Variants in TRMT9B observed in about 807,000 individuals in gnomAD.
The protein encoded by TRMT9B is tRNA methyltransferase 9B (putative).
A neutral mutation model predicts 11.5 loss-of-function variants in TRMT9B; 16 were observed. The observed-to-expected ratio is 1.39, with a 90% CI of 0.94 to 2.11. The LOEUF is 2.11. Among genes scored for constraint, TRMT9B ranks in the 30% most tolerant of loss-of-function variants. TRMT9B has a pLI of 0.00. For synonymous variants in TRMT9B, 274 were observed against 192.4 expected (o/e 1.42, Z -3.51); for missense variants, 941 against 553.8 (o/e 1.70, Z -7.02).
intron 2 of TRMT9B, among the ~76,000 whole-genome samples, chr8:12,996,757 G>T (rs796466108): frequency 2.0e-5 from 3 of 152,128 alleles, no homozygotes; most frequent in African/African-American, 7.2e-5. Flanking sequence ...ACAAATAAAT[G>T]AATGAATTTT....
intron 1 of TRMT9B, among the ~76,000 whole-genome samples, chr8:12,968,714 C>T (rs371998427): frequency 6.6e-6 from 1 of 152,090 alleles, no homozygotes; most frequent in African/African-American, 2.4e-5. Flanking sequence ...CTCCCTGAGT[C>T]GCGAGAGTGC....
rs1814530000 is a variant in TRMT9B, at chr8:13,025,100, C to T, written c.*3056C>T. 6.0e-6 allele frequency: 1 copy of T among 166,950 alleles called. No homozygotes were observed. Among genetic ancestry groups the T allele is most frequent in the African/African-American group, 2.4e-5 (1 of 41,398 alleles). 10.3% of individuals were successfully genotyped at this position (166,950 alleles called of 1,614,324 possible). On this transcript the variant is annotated 3_prime_UTR_variant, in exon 5 of 5. Transcript: ENST00000524591. Reference sequence around the variant, plus strand: ...GCTGGAGTAATCTGATCACTTACTTCCTTATTAATACTAGATCACACAGTG... The same window carrying T: ...GCTGGAGTAATCTGATCACTTACTTTCTTATTAATACTAGATCACACAGTG...
chr8:12,997,477 C>T (rs1288323747), intron 2 of TRMT9B, among the ~76,000 whole-genome samples: 1 of 152,140 alleles, frequency 6.6e-6, no homozygotes, highest in Non-Finnish European at 1.5e-5. Flanking sequence ...AAACAAACTG[C>T]TTGTCCTTAT....
intron 3 of TRMT9B, chr8:13,007,377 T>C (rs1237563751): frequency 6.6e-6 from 1 of 152,226 alleles, no homozygotes; most frequent in Non-Finnish European, 1.5e-5. Context: ...GACTAAGACT[T>C]AAAATGTGGT....
intron 4 of TRMT9B, among the ~76,000 whole-genome samples, chr8:13,016,811 A>G (rs1243612636): frequency 6.7e-6 from 1 of 149,770 alleles, no homozygotes; most frequent in Non-Finnish European, 1.5e-5. Flanking sequence ...AATTGTCACA[A>G]CTGGATATGT....
intron 2 of TRMT9B, among the ~76,000 whole-genome samples, chr8:13,001,255 A>G (rs934263234): frequency 2.0e-5 from 3 of 152,142 alleles, no homozygotes; most frequent in African/African-American, 7.2e-5. Context: ...AATTCTCAAG[A>G]CTGGGTCAGT....
chr8:13,027,490 T>C lies in TRMT9B; in HGVS notation c.*5446T>C, dbSNP rs1273617647. ...AAAATAATATGTCTTACAGAATAAA[T>C]GCAGACTCCTTTGGATGGCATTCAG... On this transcript the variant is annotated 3_prime_UTR_variant, in exon 5 of 5. Coordinates refer to ENST00000524591, the MANE Select transcript of TRMT9B (RefSeq NM_020844.3). The C allele has an allele frequency of 6.0e-6, 1 of 167,082 alleles. No homozygotes were observed. The highest frequency in any genetic ancestry group is 1.9e-4 in the East Asian group (1 of 5,206). The allele number at this position is 167,082 out of a possible 1,614,324, so 10.3% of individuals were successfully genotyped here.
In TRMT9B at chr8:12,964,137, C is replaced by T. The variant is rs376210024; in HGVS notation, c.-200+18171C>T. ...GAATATTGGCTTTTCTAAGGAAACT[C>T]AAAAAGACTCGTGTCATTATTGTGA... On this transcript the variant is annotated intron_variant, in intron 1 of 4. Coordinates refer to ENST00000524591, the MANE Select transcript of TRMT9B (RefSeq NM_020844.3). 1.6e-4 allele frequency among the ~76,000 whole-genome samples: 25 copies of T among 152,256 alleles called. No homozygotes were observed. The East Asian group carries it at 3.7e-3, about 22-fold the overall frequency.
intron 3 of TRMT9B, chr8:13,006,744 C>G: frequency 1.1e-6 from 1 of 906,328 alleles, no homozygotes; most frequent in Non-Finnish European, 1.4e-6. Context: ...TCTCAGCTTG[C>G]TGCAAACTCC....
At chr8:12,954,748 A>G (rs1288763291) in intron 1 of TRMT9B, among the ~76,000 whole-genome samples, 2 of 152,258 alleles carry the variant, frequency 1.3e-5, no homozygotes, top group African/African-American at 4.8e-5. Context: ...GCCATAAAGA[A>G]AGTACCTTGC....
chr8:12,952,593 G>A, intron 1 of TRMT9B: 3 of 656,558 alleles, frequency 4.6e-6, no homozygotes, highest in Non-Finnish European at 5.7e-6. Flanking sequence ...TCTTTCCCTG[G>A]GGAACTGATT....
chr8:12,957,391 A>G (rs1801453991), intron 1 of TRMT9B, among the ~76,000 whole-genome samples: 2 of 152,194 alleles, frequency 1.3e-5, no homozygotes, highest in Admixed American at 1.3e-4. Context: ...ATCAGTGTTC[A>G]TGAAGTAATC....
rs915563945 is a variant in TRMT9B at position 13,024,412 on chromosome 8, G to A, written c.*2368G>A. On this transcript the variant is annotated 3_prime_UTR_variant, in exon 5 of 5. Coordinates refer to ENST00000524591, the MANE Select transcript of TRMT9B (RefSeq NM_020844.3). Reference sequence around the variant, plus strand: ...AGGGATTTCCTTGGTAAAAAGAAAAGATTCTCAGAGTCAAAATGGTCTTAC... The same window carrying A: ...AGGGATTTCCTTGGTAAAAAGAAAAAATTCTCAGAGTCAAAATGGTCTTAC... The A allele has an allele frequency of 1.2e-5, 2 of 167,096 alleles. No individual in the cohort carries two copies. Among genetic ancestry groups the A allele is most frequent in the Non-Finnish European group, 2.9e-5 (2 of 68,144 alleles). The allele number at this position is 167,096 out of a possible 1,614,324, so 10.4% of individuals were successfully genotyped here.
At chr8:13,020,758 A>C (rs991780107) in intron 4 of TRMT9B, among the ~76,000 whole-genome samples, 1 of 152,208 alleles carries the variant, frequency 6.6e-6, no homozygotes, top group Non-Finnish European at 1.5e-5. Flanking sequence ...GAAACTTAAA[A>C]TCTGTAGAAC....
chr8:12,959,242 C>G (rs1027213207), intron 1 of TRMT9B, among the ~76,000 whole-genome samples: 1 of 152,056 alleles, frequency 6.6e-6, no homozygotes, highest in South Asian at 2.1e-4. Flanking sequence ...CTCCAGTATC[C>G]AAAAATTTTT....
rs1427483134 is a variant in TRMT9B, at chr8:13,024,812, A to G, written c.*2768A>G. ...ATAAGAATCTATGCATCCAGATATT[A>G]TTTTGTATACAAATATTTAATTTGG... On this transcript the variant is annotated 3_prime_UTR_variant, in exon 5 of 5. Coordinates refer to ENST00000524591, the MANE Select transcript of TRMT9B (RefSeq NM_020844.3). The G allele has an allele frequency of 6.0e-6, 1 of 166,966 alleles. No homozygotes were observed. The highest frequency in any genetic ancestry group is 6.5e-5 in the Admixed American group (1 of 15,290). The allele number at this position is 166,966 out of a possible 1,614,324, so 10.3% of individuals were successfully genotyped here.
chr8:13,009,208 C>CA, intron 3 of TRMT9B, among the ~76,000 whole-genome samples: 1 of 152,042 alleles, frequency 6.6e-6, no homozygotes, highest in South Asian at 2.1e-4. Context: ...CAGTTGGACT[C>CA]ATAGAAGGAG....
chr8:12,979,368 G>A (rs1315568274), intron 1 of TRMT9B, among the ~76,000 whole-genome samples: 1 of 152,076 alleles, frequency 6.6e-6, no homozygotes. Flanking sequence ...AGCTTCAAGA[G>A]ATAAGACAAT....
intron 4 of TRMT9B, among the ~76,000 whole-genome samples, chr8:13,014,785 G>A (rs150267832): frequency 1.1e-3 from 160 of 152,222 alleles, no homozygotes; most frequent in African/African-American, 3.8e-3. Context: ...GAAATGGGCC[G>A]GGCGCGGTGA....
Sources: gnomAD v4.1 joint callset for allele counts (sites outside exome capture counted in the v4.1 genomes callset) on GRCh38, gnomAD v4.1.1 for gene constraint, MANE v1.5 for transcripts, NCBI Gene and HGNC (gene_info 2026-07-23, HGNC 2026-07-21) for gene names.